Variants in CACNA2D3 observed in about 807,000 individuals in gnomAD.
CACNA2D3 encodes the protein voltage-dependent calcium channel subunit alpha-2/delta-3.
In CACNA2D3, 60 loss-of-function variants were observed where a neutral mutation model predicts 160.6. The observed-to-expected ratio is 0.37, with a 90% CI of 0.30 to 0.46. The LOEUF (loss-of-function observed/expected upper bound fraction) is 0.46, where lower values mean the gene tolerates loss of function less well. Ranked by LOEUF, CACNA2D3 falls within the 20% of genes least tolerant of loss-of-function variation. CACNA2D3 has a pLI of 1.00. For synonymous variants in CACNA2D3, 558 were observed against 492.9 expected, an observed-to-expected ratio of 1.13 and a Z score of -1.75; for missense variants, 1,205 against 1,365.0, an observed-to-expected ratio of 0.88 and a Z score of 1.85.
At chr3:54,305,614 G>T (rs1007882176) in intron 2 of CACNA2D3, among the ~76,000 whole-genome samples, 1 of 152,246 alleles carries the variant, frequency 6.6e-6, no homozygotes, top group African/African-American at 2.4e-5. Flanking sequence ...CATAGGCATT[G>T]CCTGTCCTGA....
At chr3:54,709,752 C>T (rs1373594302) in intron 11 of CACNA2D3, among the ~76,000 whole-genome samples, 2 of 152,096 alleles carry the variant, frequency 1.3e-5, no homozygotes, top group Non-Finnish European at 2.9e-5. Context: ...TAGCGAGACC[C>T]TATCCATACA....
chr3:54,836,527 C>G lies in CACNA2D3; in HGVS notation c.1399-632C>G, dbSNP rs148027590. 1.6e-3 allele frequency among the ~76,000 whole-genome samples: 238 copies of G among 152,326 alleles called. 1 individual carries two copies. Among genetic ancestry groups the G allele is most frequent in the African/African-American group, 5.3e-3 (220 of 41,572 alleles). On this transcript the variant is annotated intron_variant, in intron 14 of 37. Transcript: ENST00000474759. Reference sequence around the variant, plus strand: ...GGGATTACAGATGTGAGCCACCACGCCTGTCCTCAAGGGCCATTCTTATAA... The same window carrying G: ...GGGATTACAGATGTGAGCCACCACGGCTGTCCTCAAGGGCCATTCTTATAA...
At chr3:55,004,215 G>A (rs1012291953) in intron 31 of CACNA2D3, among the ~76,000 whole-genome samples, 1 of 152,166 alleles carries the variant, frequency 6.6e-6, no homozygotes, top group Non-Finnish European at 1.5e-5. Context: ...TCACTCTTAT[G>A]GTGATGACAA....
intron 5 of CACNA2D3, among the ~76,000 whole-genome samples, chr3:54,536,601 C>G (rs1458037013): frequency 5.3e-5 from 8 of 152,180 alleles, no homozygotes. Flanking sequence ...TTCCATGGCT[C>G]ACTTTGCTGC....
chr3:54,266,353 G>A (rs1702517832), intron 2 of CACNA2D3, among the ~76,000 whole-genome samples: 1 of 152,138 alleles, frequency 6.6e-6, no homozygotes, highest in South Asian at 2.1e-4. Flanking sequence ...TGGAAAATAA[G>A]GTTAAGAGAA....
At chr3:54,225,343 T>C (rs901606706) in intron 2 of CACNA2D3, among the ~76,000 whole-genome samples, 2 of 152,240 alleles carry the variant, frequency 1.3e-5, no homozygotes, top group Admixed American at 6.5e-5. Context: ...TGAATATCTT[T>C]TATCACCTTC....
chr3:54,900,712 G>A (rs890108609), intron 27 of CACNA2D3, among the ~76,000 whole-genome samples: 1 of 152,202 alleles, frequency 6.6e-6, no homozygotes, highest in Non-Finnish European at 1.5e-5. Flanking sequence ...TCAATAAGTT[G>A]TACTTTAGGG....
At position 54,217,862 on chromosome 3, in the gene CACNA2D3, C is replaced by T. The variant is rs1701489230; in HGVS notation, c.204+94268C>T. ...AGGAAATTAATATAGGCCTGAGAGA[C>T]AGAGAGAGACAGAGAGAGAGAGAGA... is the stretch of plus-strand genomic sequence containing the variant. On this transcript the variant is annotated intron_variant, in intron 2 of 37. Transcript: ENST00000474759. 2.2e-5 allele frequency among the ~76,000 whole-genome samples: 3 copies of T among 136,886 alleles called. No homozygotes were observed. In the South Asian group the frequency reaches 6.6e-4, roughly 30 times the overall value. The allele number at this position is 136,886 out of a possible 152,430, so 89.8% of individuals were successfully genotyped here. A position where few individuals can be genotyped will look rare whatever the true frequency, so the allele number is the denominator to read the frequency against.
At chr3:54,564,646 G>C (rs1016890632) in intron 6 of CACNA2D3, among the ~76,000 whole-genome samples, 1 of 152,202 alleles carries the variant, frequency 6.6e-6, no homozygotes, top group Non-Finnish European at 1.5e-5. Flanking sequence ...GCAAGTGTGC[G>C]TGTTCTTAAG....
intron 2 of CACNA2D3, among the ~76,000 whole-genome samples, chr3:54,261,351 G>A (rs1207198135): frequency 3.3e-5 from 5 of 152,076 alleles, no homozygotes; most frequent in Non-Finnish European, 7.4e-5. Flanking sequence ...CCTTCTTGGC[G>A]CTTGTTACCA....
At chr3:54,564,525 A>G (rs1287197215) in intron 6 of CACNA2D3, among the ~76,000 whole-genome samples, 1 of 152,214 alleles carries the variant, frequency 6.6e-6, no homozygotes, top group East Asian at 1.9e-4. Flanking sequence ...AACACAGAGC[A>G]TACCTCTTGC....
chr3:54,943,946 T>C (rs954896599), intron 27 of CACNA2D3, among the ~76,000 whole-genome samples: 10 of 152,226 alleles, frequency 6.6e-5, no homozygotes, highest in African/African-American at 2.4e-4. Context: ...GGTGGTAAAA[T>C]TTCCTCCGAC....
At chr3:54,791,079 T>C (rs1309386674) in intron 13 of CACNA2D3, among the ~76,000 whole-genome samples, 1 of 152,050 alleles carries the variant, frequency 6.6e-6, no homozygotes, top group Admixed American at 6.6e-5. Context: ...AGTCTATGGA[T>C]GTTCCTCCAA....
chr3:54,419,579 C>T (rs1487123650), intron 4 of CACNA2D3, among the ~76,000 whole-genome samples: 2 of 152,118 alleles, frequency 1.3e-5, no homozygotes, highest in Admixed American at 6.5e-5. Context: ...TTATTATATT[C>T]TATACTTCTT....
intron 11 of CACNA2D3, among the ~76,000 whole-genome samples, chr3:54,687,128 T>TTTTTG (rs1700471012): frequency 9.0e-5 from 5 of 55,250 alleles, no homozygotes; most frequent in Non-Finnish European, 1.6e-4. Context: ...TTTCTTTTTT[T>TTTTTG]TTTTTTGTTT....
chr3:54,952,372 C>T (rs535857024), intron 27 of CACNA2D3, among the ~76,000 whole-genome samples: 4 of 152,194 alleles, frequency 2.6e-5, no homozygotes, highest in South Asian at 4.1e-4. Context: ...AGAGGGAGGC[C>T]GCAAACATGA....
chr3:54,775,973 C>T (rs1465095782), intron 13 of CACNA2D3, among the ~76,000 whole-genome samples: 1 of 152,166 alleles, frequency 6.6e-6, no homozygotes, highest in Non-Finnish European at 1.5e-5. Context: ...CCCCAGTCAT[C>T]GGTGAAACAC....
chr3:54,804,503 A>G (rs1266896662), intron 13 of CACNA2D3, among the ~76,000 whole-genome samples: 4 of 152,262 alleles, frequency 2.6e-5, no homozygotes, highest in Admixed American at 1.3e-4. Context: ...AGAGCTAACT[A>G]TCCTAAATAT....
At chr3:54,964,239 T>A (rs1702093450) in intron 27 of CACNA2D3, among the ~76,000 whole-genome samples, 1 of 152,162 alleles carries the variant, frequency 6.6e-6, no homozygotes, top group Non-Finnish European at 1.5e-5. Flanking sequence ...TATCACCAGA[T>A]GCAGTTGTGT....
Sources: allele counts gnomAD v4.1 joint callset (sites outside exome capture counted in the v4.1 genomes callset), GRCh38; gene constraint gnomAD v4.1.1; transcripts MANE v1.5; gene names NCBI Gene and HGNC (gene_info 2026-07-23, HGNC 2026-07-21).